The following GALNT18 variants were observed in gnomAD, a reference collection of about 807,000 sequenced individuals.
The protein encoded by GALNT18 is GalNAc-transferase 18.
GALNT18 carries 44 observed loss-of-function variants against 69.5 expected under a neutral mutation model. The observed-to-expected ratio is 0.63, with a 90% CI of 0.50 to 0.81. GALNT18 has a LOEUF of 0.81. Ranked by LOEUF, GALNT18 falls within the 40% of genes least tolerant of loss-of-function variation. The pLI, the probability that GALNT18 is intolerant of heterozygous loss-of-function variation, is 0.00. For missense variants in GALNT18, 715 were observed against 810.0 expected (o/e 0.88, Z 1.42); for synonymous variants, 364 against 318.2 (o/e 1.14, Z -1.53).
Position 11,440,142 on chromosome 11 carries a change from A to G in GALNT18, c.429-7355T>C, listed in dbSNP as rs1383351565. 2.0e-5 allele frequency among the ~76,000 whole-genome samples: 3 copies of G among 152,386 alleles called. No homozygotes were observed. The East Asian group carries it at 5.8e-4, about 29-fold the overall frequency. ...GCAGAAGTTCAACCATCATCCTTTC[A>G]GGTGAATTTATCAATTTAGAGAAAG... On this transcript the variant is annotated intron_variant, in intron 2 of 10. Transcript: ENST00000227756.
In GALNT18 at chr11:11,540,161, T is replaced by C. The variant is rs1261682820; in HGVS notation, c.235+81198A>G. Among the ~76,000 whole-genome samples the C allele has an allele frequency of 2.6e-5, 4 of 152,202 alleles. No homozygotes were observed. The highest frequency in any genetic ancestry group is 4.8e-5 in the African/African-American group (2 of 41,448). ...GGATTATTCTAAACATATTTTGTGG[T>C]TCTAAAACCTCTTCTCACCTCCAAG... is the stretch of plus-strand genomic sequence containing the variant. On this transcript the variant is annotated intron_variant, in intron 1 of 10. Coordinates refer to ENST00000227756, the MANE Select transcript of GALNT18 (RefSeq NM_198516.3). This position sits in a 1 kb window ranked among gnomAD's most constrained non-coding sequence, Gnocchi z 4.6.
At chr11:11,513,184 CTG>C (rs1857198728) in intron 1 of GALNT18, among the ~76,000 whole-genome samples, 1 of 152,202 alleles carries the variant, frequency 6.6e-6, no homozygotes, top group Admixed American at 6.5e-5. Context: ...TGCTCACTCC[CTG>C]TGTGACCTTA....
At chr11:11,552,295 A>C (rs553780040) in intron 1 of GALNT18, among the ~76,000 whole-genome samples, 1 of 152,288 alleles carries the variant, frequency 6.6e-6, no homozygotes, top group Non-Finnish European at 1.5e-5. Context: ...CCAGGACCCC[A>C]AAAAAGCTAG....
At chr11:11,352,897 T>A (rs1194430238) in intron 6 of GALNT18, 2 of 1,614,224 alleles carry the variant, frequency 1.2e-6, no homozygotes, top group South Asian at 2.2e-5. Flanking sequence ...ATTTTCTTCT[T>A]TTTTACTGGC....
At chr11:11,302,113 G>A (rs766029493) in intron 9 of GALNT18, among the ~76,000 whole-genome samples, 2 of 152,184 alleles carry the variant, frequency 1.3e-5, no homozygotes, top group Non-Finnish European at 2.9e-5. Context: ...TAGTGCCAAT[G>A]GGATGAGGTG....
In GALNT18 at chr11:11,377,191, G is replaced by T; in HGVS notation, c.968C>A (p.Ala323Glu). 6.2e-7 allele frequency: 1 copy of T among 1,612,894 alleles called. No individual in the cohort carries two copies. The highest frequency in any genetic ancestry group is 8.5e-7 in the Non-Finnish European group (1 of 1,179,962). The change falls in exon 5 of 11, where the codon GCG (alanine) becomes GAG (glutamate). Residue 323 changes from alanine to glutamate, a missense_variant. By Grantham distance (107) the Ala-to-Glu change is moderately radical (BLOSUM62 -1). Coordinates refer to ENST00000227756, the MANE Select transcript of GALNT18 (RefSeq NM_198516.3). This position sits in a 1 kb window ranked among gnomAD's most constrained non-coding sequence, Gnocchi z 4.6. ...KAWWKLENST[A>E]PIRSPALIGC... ...TAAAGGTTTGCTTTACCTGATTGGC[G>T]CTGTGGAGTTCTCCAGCTTCCACCA...
At position 11,337,790 on chromosome 11, in the gene GALNT18, A is replaced by G. The variant is rs1200074520; in HGVS notation, c.1278+3029T>C. On this transcript the variant is annotated intron_variant, in intron 7 of 10. Coordinates refer to ENST00000227756, the MANE Select transcript of GALNT18 (RefSeq NM_198516.3). The surrounding 1 kb of genome is among the most constrained non-coding windows in gnomAD (Gnocchi z 4.9). ...GGACGGTATGTAATGGGCAGTTCCC[A>G]TAGTCCACGCAACGTATGCAGACTT... Among the ~76,000 whole-genome samples, 1 of 152,088 alleles carries G rather than the reference A, an allele frequency of 6.6e-6. No homozygotes were observed. Among genetic ancestry groups the G allele is most frequent in the East Asian group, 1.9e-4 (1 of 5,162 alleles).
Position 11,356,137 on chromosome 11 carries a change from T to C in GALNT18, c.1093-15133A>G. On this transcript the variant is annotated intron_variant, in intron 6 of 10. Coordinates refer to ENST00000227756, the MANE Select transcript of GALNT18 (RefSeq NM_198516.3). This position sits in a 1 kb window ranked among gnomAD's most constrained non-coding sequence, Gnocchi z 4.4. ...GCATTGCTTTACAAAGCCAAGAACATTTGTATTTGGAGATGCCCCTGACCC... is the reference window on the plus strand; with the variant it reads ...GCATTGCTTTACAAAGCCAAGAACACTTGTATTTGGAGATGCCCCTGACCC... Among the ~76,000 whole-genome samples, 1 of 152,108 alleles carries C rather than the reference T, an allele frequency of 6.6e-6. No homozygotes were observed. Among genetic ancestry groups the C allele is most frequent in the East Asian group, 1.9e-4 (1 of 5,188 alleles).
At chr11:11,518,180 C>T (rs1857322412) in intron 1 of GALNT18, among the ~76,000 whole-genome samples, 1 of 152,230 alleles carries the variant, frequency 6.6e-6, no homozygotes, top group Admixed American at 6.5e-5. Context: ...CCTGCCTGTT[C>T]CTCAGCTGAG....
chr11:11,597,014 G>T (rs934218034), intron 1 of GALNT18, among the ~76,000 whole-genome samples: 1 of 152,008 alleles, frequency 6.6e-6, no homozygotes, highest in African/African-American at 2.4e-5. Flanking sequence ...ATCCAGAAAG[G>T]GTAGATTTTG....
intron 1 of GALNT18, among the ~76,000 whole-genome samples, chr11:11,512,691 A>T (rs1309562352): frequency 2.0e-5 from 3 of 152,206 alleles, no homozygotes; most frequent in African/African-American, 7.2e-5. Context: ...TTGCACAGGG[A>T]CTGTGTTTAG....
chr11:11,537,748 T>C (rs946881539), intron 1 of GALNT18, among the ~76,000 whole-genome samples: 6 of 152,174 alleles, frequency 3.9e-5, no homozygotes, highest in Non-Finnish European at 8.8e-5. Flanking sequence ...ATGATCAGAA[T>C]CTCTCAGGAA....
chr11:11,357,067 A>G (rs1850544580), intron 6 of GALNT18, among the ~76,000 whole-genome samples: 1 of 151,938 alleles, frequency 6.6e-6, no homozygotes, highest in Non-Finnish European at 1.5e-5. Flanking sequence ...GGGCAGACCA[A>G]TTGGTTCTAG....
chr11:11,296,715 C>A (rs1421412952), intron 9 of GALNT18, among the ~76,000 whole-genome samples: 1 of 152,156 alleles, frequency 6.6e-6, no homozygotes, highest in Non-Finnish European at 1.5e-5. Flanking sequence ...GTCATCAGAG[C>A]TGTTTATTGC....
chr11:11,552,021 ACTT>A (rs1403037762), intron 1 of GALNT18, among the ~76,000 whole-genome samples: 2 of 152,150 alleles, frequency 1.3e-5, no homozygotes, highest in African/African-American at 4.8e-5. Context: ...GGCTATTTTC[ACTT>A]CTTTTGTGGA....
At position 11,377,496 on chromosome 11, in the gene GALNT18, C is replaced by A; in HGVS notation, c.780-117G>T. 1.2e-6 allele frequency: 1 copy of A among 845,506 alleles called. No homozygotes were observed. The highest frequency in any genetic ancestry group is 1.9e-6 in the Non-Finnish European group (1 of 525,086). 52.4% of individuals were successfully genotyped at this position (845,506 alleles called of 1,614,324 possible). A position where few individuals can be genotyped will look rare whatever the true frequency, so the allele number is the denominator to read the frequency against. ...AGAGGAAGGAAGGCCTGCCCATCTC[C>A]TCTGATGGAGAGGTGCACTGCCTTC... On this transcript the variant is annotated intron_variant, in intron 4 of 10. Coordinates refer to ENST00000227756, the MANE Select transcript of GALNT18 (RefSeq NM_198516.3). The surrounding 1 kb of genome is among the most constrained non-coding windows in gnomAD (Gnocchi z 4.6).
intron 1 of GALNT18, among the ~76,000 whole-genome samples, chr11:11,578,112 A>T (rs1039926085): frequency 3.3e-5 from 5 of 152,220 alleles, no homozygotes; most frequent in African/African-American, 1.2e-4. Context: ...CACGAGCCTC[A>T]GCCAGACACA....
Position 11,595,972 on chromosome 11 carries a change from T to C in GALNT18, c.235+25387A>G, listed in dbSNP as rs2133937356. 6.6e-6 allele frequency among the ~76,000 whole-genome samples: 1 copy of C among 152,336 alleles called. No homozygotes were observed. The highest frequency in any genetic ancestry group is 2.1e-4 in the South Asian group (1 of 4,828). On this transcript the variant is annotated intron_variant, in intron 1 of 10. Transcript: ENST00000227756. This position sits in a 1 kb window ranked among gnomAD's most constrained non-coding sequence, Gnocchi z 5.2. ...TAAGTGGCCTTTGCCTAATCTAAAG[T>C]CACAAAGATTTAGGTTTGTCTTCTT... is the stretch of plus-strand genomic sequence containing the variant.
Position 11,520,094 on chromosome 11 carries a change from G to A in GALNT18, c.236-71158C>T, listed in dbSNP as rs112454385. ...TTCCTCCCCTGTGGGTAGGCCCCTG[G>A]AGAGAGTCCCTGGCCAGTGCCCTTG... On this transcript the variant is annotated intron_variant, in intron 1 of 10. Coordinates refer to ENST00000227756, the MANE Select transcript of GALNT18 (RefSeq NM_198516.3). Among the ~76,000 whole-genome samples the A allele has an allele frequency of 7.7e-3, 1,176 of 152,370 alleles. 7 individuals carry two copies. The highest frequency in any genetic ancestry group is 0.013 in the Non-Finnish European group (885 of 68,040).
Sources: gnomAD v4.1 joint callset for allele counts (sites outside exome capture counted in the v4.1 genomes callset) on GRCh38, gnomAD v4.1.1 for gene constraint, Gnocchi (gnomAD v3.1) non-coding constraint, MANE v1.5 for transcripts, NCBI Gene and HGNC (gene_info 2026-07-23, HGNC 2026-07-21) for gene names.